PPM1H: variants seen among roughly 807,000 people sequenced by gnomAD.
PPM1H encodes the protein protein phosphatase, Mg2+/Mn2+ dependent 1H, also known as protein phosphatase 1H.
Under a neutral mutation model 54.9 loss-of-function variants are expected in PPM1H, and 27 were observed. That is an observed-to-expected ratio of 0.49 (90% CI 0.36 to 0.68). The LOEUF (loss-of-function observed/expected upper bound fraction) is 0.68. Ranked by LOEUF, PPM1H falls within the 30% of genes least tolerant of loss-of-function variation. PPM1H has a pLI of 0.00. For synonymous variants in PPM1H, 305 were observed against 270.8 expected (o/e 1.13, Z -1.24); for missense variants, 596 against 667.8 (o/e 0.89, Z 1.19).
intron 9 of PPM1H, among the ~76,000 whole-genome samples, chr12:62,649,037 A>G (rs1216763300): frequency 6.6e-6 from 1 of 152,184 alleles, no homozygotes; most frequent in Non-Finnish European, 1.5e-5. Flanking sequence ...TGTTTTCAAT[A>G]TATTTAGTTT....
intron 1 of PPM1H, among the ~76,000 whole-genome samples, chr12:62,873,136 G>A (rs1211370624): frequency 6.6e-6 from 1 of 152,142 alleles, no homozygotes; most frequent in Non-Finnish European, 1.5e-5. Flanking sequence ...CATCTGAGTT[G>A]GGTGTCTTCC....
At chr12:62,912,871 T>C (rs1424873602) in intron 1 of PPM1H, among the ~76,000 whole-genome samples, 1 of 152,214 alleles carries the variant, frequency 6.6e-6, no homozygotes, top group Non-Finnish European at 1.5e-5. Context: ...CTCAGCATTA[T>C]CCAACTGCTT....
At chr12:62,747,415 C>T (rs61921160) in intron 4 of PPM1H, among the ~76,000 whole-genome samples, 11,078 of 152,190 alleles carry the variant, frequency 0.073, 465 homozygotes, top group East Asian at 0.18. Context: ...GGATTATAGG[C>T]GTGAGCCACT....
Position 62,758,048 on chromosome 12 carries a change from C to T in PPM1H, c.870-20462G>A, listed in dbSNP as rs529089348. Among the ~76,000 whole-genome samples the T allele has an allele frequency of 9.8e-5, 15 of 152,334 alleles. No homozygotes were observed. In the East Asian group the frequency reaches 2.5e-3, roughly 25 times the overall value. On this transcript the variant is annotated intron_variant, in intron 4 of 9. Transcript: ENST00000228705. The stretch of plus-strand genomic sequence containing the variant: ...TGAATTTGCTGTTCAAAAGGCTAAA[C>T]TGGAGTGCTTAAAGCTAAGTGCTTA...
intron 1 of PPM1H, among the ~76,000 whole-genome samples, chr12:62,931,386 G>A (rs1055202079): frequency 2.0e-5 from 3 of 152,152 alleles, no homozygotes; most frequent in Non-Finnish European, 4.4e-5. Context: ...AGCATTACTG[G>A]TGGCAGCTTC....
At chr12:62,891,325 A>G (rs1870789816) in intron 1 of PPM1H, among the ~76,000 whole-genome samples, 1 of 152,188 alleles carries the variant, frequency 6.6e-6, no homozygotes, top group South Asian at 2.1e-4. Flanking sequence ...TCTAAGATCA[A>G]CCAATAAGAT....
chr12:62,755,871 A>C (rs1392393366), intron 4 of PPM1H: 4 of 785,116 alleles, frequency 5.1e-6, no homozygotes, highest in Non-Finnish European at 9.1e-6. Context: ...GGTGCTGCTA[A>C]GGTTGTGGGC....
At chr12:62,920,114 A>C (rs1871746427) in intron 1 of PPM1H, among the ~76,000 whole-genome samples, 1 of 152,270 alleles carries the variant, frequency 6.6e-6, no homozygotes, top group South Asian at 2.1e-4. Flanking sequence ...CATTGTTAAT[A>C]ATCACAGGGA....
chr12:62,884,338 G>GA (rs67184820), intron 1 of PPM1H, among the ~76,000 whole-genome samples: 1,985 of 140,108 alleles, frequency 0.014, 43 homozygotes, highest in African/African-American at 0.047. Context: ...GCACCAAAAT[G>GA]AAAAAAAAAA....
rs1156722275 is a variant in PPM1H at position 62,647,323 on chromosome 12, G to A, written c.*1166C>T. On this transcript the variant is annotated 3_prime_UTR_variant, in exon 10 of 10. Transcript: ENST00000228705. ...AAATTCTTTTATTAAAGTGCCCCCC[G>A]AGGGGCCTTGCACAAAGATGATGGG... 1.3e-5 allele frequency: 2 copies of A among 152,206 alleles called. No individual in the cohort carries two copies. The highest frequency in any genetic ancestry group is 1.5e-5 in the Non-Finnish European group (1 of 68,062). The allele number at this position is 152,206 out of a possible 1,614,324, so 9.4% of individuals were successfully genotyped here.
At chr12:62,700,090 C>T (rs7309716) in intron 6 of PPM1H, among the ~76,000 whole-genome samples, 3,172 of 152,266 alleles carry the variant, frequency 0.021, 54 homozygotes, top group Non-Finnish European at 0.028. Context: ...CCTTTCAGGA[C>T]ATTCTCCCAC....
At chr12:62,785,848 G>A (rs1480477468) in intron 4 of PPM1H, among the ~76,000 whole-genome samples, 3 of 135,340 alleles carry the variant, frequency 2.2e-5, no homozygotes, top group East Asian at 2.2e-4. Flanking sequence ...AGGAAACTAC[G>A]TTTAAAAATG....
At chr12:62,779,461 G>A (rs981617594) in intron 4 of PPM1H, among the ~76,000 whole-genome samples, 19 of 152,196 alleles carry the variant, frequency 1.2e-4, no homozygotes, top group East Asian at 1.2e-3. Context: ...ATTCTTCAGC[G>A]GCTTGTTGCA....
intron 4 of PPM1H, among the ~76,000 whole-genome samples, chr12:62,774,982 A>AC (rs1416957913): frequency 6.6e-6 from 1 of 152,092 alleles, no homozygotes; most frequent in Non-Finnish European, 1.5e-5. Flanking sequence ...GGGAAACTGG[A>AC]CTAGATGAGT....
chr12:62,653,627 G>A (rs1028204105), intron 9 of PPM1H, among the ~76,000 whole-genome samples: 1 of 152,220 alleles, frequency 6.6e-6, no homozygotes, highest in Non-Finnish European at 1.5e-5. Flanking sequence ...CATGGTGAGT[G>A]TGAAGAAGAA....
chr12:62,795,440 A>AAT (rs151199970), intron 3 of PPM1H, among the ~76,000 whole-genome samples: 3,769 of 148,884 alleles, frequency 0.025, 166 homozygotes, highest in East Asian at 0.21. Context: ...CCCCAGATAA[A>AAT]ATATATATAT....
intron 3 of PPM1H, chr12:62,788,605 G>A (rs1193111906): frequency 8.7e-6 from 3 of 343,712 alleles, no homozygotes; most frequent in Non-Finnish European, 1.6e-5. Context: ...CAAATAAAAT[G>A]TAAGTTGTAT....
intron 4 of PPM1H, among the ~76,000 whole-genome samples, chr12:62,758,817 T>C (rs1480093791): frequency 6.6e-6 from 1 of 152,234 alleles, no homozygotes. Context: ...CCCTGTGACC[T>C]GCACTTTTAC....
chr12:62,694,598 A>G (rs1457581178), intron 6 of PPM1H, among the ~76,000 whole-genome samples: 1 of 152,248 alleles, frequency 6.6e-6, no homozygotes, highest in Non-Finnish European at 1.5e-5. Context: ...CTCCAGTGCC[A>G]CAGCCTGCAC....
Sources: allele counts gnomAD v4.1 joint callset (sites outside exome capture counted in the v4.1 genomes callset), GRCh38; gene constraint gnomAD v4.1.1; transcripts MANE v1.5; gene names NCBI Gene and HGNC (gene_info 2026-07-23, HGNC 2026-07-21).